Variants in NRF1 observed in about 807,000 individuals in gnomAD.
The protein encoded by NRF1 is nuclear respiratory factor 1.
Under a neutral mutation model 58.5 loss-of-function variants are expected in NRF1, and 5 were observed. The ratio of observed to expected loss-of-function variants is 0.09; its 90% CI spans 0.04 to 0.18. The LOEUF (loss-of-function observed/expected upper bound fraction) is 0.18, where lower values mean the gene tolerates loss of function less well. NRF1 is among the 10% of genes least tolerant of loss of function. The pLI is 1.00. For missense variants in NRF1, 288 were observed against 657.7 expected (o/e 0.44, Z 6.15); for synonymous variants, 224 against 246.7 (o/e 0.91, Z 0.86).
At chr7:129,632,617 G>GTA (rs140079909) in intron 1 of NRF1, among the ~76,000 whole-genome samples, 29 of 150,200 alleles carry the variant, frequency 1.9e-4, no homozygotes, top group East Asian at 1.4e-3. Context: ...AACTTTTTCT[G>GTA]TATATATATA....
intron 1 of NRF1, among the ~76,000 whole-genome samples, chr7:129,644,325 A>G (rs1239886146): frequency 6.6e-6 from 1 of 152,202 alleles, no homozygotes; most frequent in African/African-American, 2.4e-5. Context: ...TTGACTGTGA[A>G]CGTCTGTAGG....
intron 8 of NRF1, among the ~76,000 whole-genome samples, chr7:129,715,997 C>T (rs1402156689): frequency 1.3e-5 from 2 of 150,650 alleles, no homozygotes; most frequent in Non-Finnish European, 3.0e-5. Flanking sequence ...AAGAGCAAAA[C>T]TCCGTCTCCA....
intron 5 of NRF1, among the ~76,000 whole-genome samples, chr7:129,697,963 C>T (rs1164221565): frequency 2.0e-5 from 3 of 152,108 alleles, no homozygotes; most frequent in Non-Finnish European, 4.4e-5. Context: ...AACTGCTGAG[C>T]TCAGGCAATC....
intron 3 of NRF1, among the ~76,000 whole-genome samples, chr7:129,673,151 T>C (rs946772445): frequency 6.6e-6 from 1 of 152,162 alleles, no homozygotes; most frequent in Non-Finnish European, 1.5e-5. Context: ...GACTATTAGA[T>C]TTAGTAACAT....
chr7:129,696,486 G>A (rs758982950), intron 5 of NRF1, among the ~76,000 whole-genome samples: 3 of 152,108 alleles, frequency 2.0e-5, no homozygotes, highest in African/African-American at 7.2e-5. Context: ...TTATTTTATA[G>A]TCAAGGAAGC....
chr7:129,662,708 A>G lies in NRF1; in HGVS notation c.223+5134A>G, dbSNP rs547088233. ...CTTCTGCGAGATGCCCGAGGGCACT[A>G]GCAATCCTGGATCATCTTAATCCAA... On this transcript the variant is annotated intron_variant, in intron 2 of 10. Coordinates refer to ENST00000393232, the MANE Select transcript of NRF1 (RefSeq NM_005011.5). 8.5e-5 allele frequency among the ~76,000 whole-genome samples: 13 copies of G among 152,290 alleles called. No individual in the cohort carries two copies. The South Asian group carries it at 2.7e-3, about 32-fold the overall frequency.
chr7:129,745,408 T>C (rs1193591106), intron 10 of NRF1, among the ~76,000 whole-genome samples: 1 of 152,034 alleles, frequency 6.6e-6, no homozygotes, highest in African/African-American at 2.4e-5. Context: ...CCACCTACTG[T>C]CAGATCATCA....
At chr7:129,747,086 T>C (rs1176997315) in intron 10 of NRF1, among the ~76,000 whole-genome samples, 1 of 152,208 alleles carries the variant, frequency 6.6e-6, no homozygotes, top group Non-Finnish European at 1.5e-5. Context: ...TCAACAGCCC[T>C]GCAGCCCTGT....
chr7:129,692,839 G>C (rs1215936129), intron 5 of NRF1, among the ~76,000 whole-genome samples: 2 of 152,108 alleles, frequency 1.3e-5, no homozygotes, highest in Non-Finnish European at 2.9e-5. Context: ...TGTTCTCCCA[G>C]ATGATTGCAT....
intron 10 of NRF1, among the ~76,000 whole-genome samples, chr7:129,746,335 C>T (rs1180763583): frequency 6.6e-6 from 1 of 152,140 alleles, no homozygotes; most frequent in Non-Finnish European, 1.5e-5. Context: ...CTCTTCATGA[C>T]CTTCCTCTTC....
intron 1 of NRF1, among the ~76,000 whole-genome samples, chr7:129,649,507 C>G (rs1207885431): frequency 6.6e-6 from 1 of 152,216 alleles, no homozygotes; most frequent in Non-Finnish European, 1.5e-5. Context: ...TACACTTAAT[C>G]TCATCCATTA....
chr7:129,632,551 C>T (rs1391447129), intron 1 of NRF1, among the ~76,000 whole-genome samples: 1 of 152,066 alleles, frequency 6.6e-6, no homozygotes, highest in African/African-American at 2.4e-5. Flanking sequence ...CCTCTCCCTT[C>T]CCAGCTGTGA....
At chr7:129,614,139 G>C (rs1800607182) in intron 1 of NRF1, among the ~76,000 whole-genome samples, 1 of 151,936 alleles carries the variant, frequency 6.6e-6, no homozygotes, top group Admixed American at 6.6e-5. Context: ...TTTCTTAGAC[G>C]GAGTCTCACT....
At chr7:129,633,989 G>A (rs1801109070) in intron 1 of NRF1, among the ~76,000 whole-genome samples, 1 of 145,516 alleles carries the variant, frequency 6.9e-6, no homozygotes, top group Non-Finnish European at 1.5e-5. Flanking sequence ...CACTTTGACC[G>A]TGATTTTTTA....
In NRF1 at chr7:129,739,537, CT is replaced by C. The variant is rs1288383017; in HGVS notation, c.1348+12176del. ...TCAGCTCATAAACAGCATGGCTTTG[CT>C]TTTAAAAAAAAAAAAAAAATCTACC... On this transcript the variant is annotated intron_variant, in intron 10 of 10. Transcript: ENST00000393232. Among the ~76,000 whole-genome samples the C allele has an allele frequency of 1.4e-4, 19 of 131,068 alleles. No homozygotes were observed. In the South Asian group the frequency reaches 2.4e-3, roughly 16 times the overall value. The allele number at this position is 131,068 out of a possible 152,430, so 86.0% of individuals were successfully genotyped here.
At chr7:129,649,270 A>G (rs1584606736) in intron 1 of NRF1, among the ~76,000 whole-genome samples, 1 of 152,026 alleles carries the variant, frequency 6.6e-6, no homozygotes, top group Admixed American at 6.6e-5. Flanking sequence ...TATATTCTGG[A>G]TATGTTCAAG....
chr7:129,752,916 G>A (rs944991822), intron 10 of NRF1, among the ~76,000 whole-genome samples: 1 of 152,166 alleles, frequency 6.6e-6, no homozygotes, highest in African/African-American at 2.4e-5. Flanking sequence ...TTTCAGGCCT[G>A]CATTGCAAGT....
intron 10 of NRF1, among the ~76,000 whole-genome samples, chr7:129,753,121 A>C (rs181375363): frequency 1.1e-3 from 107 of 99,172 alleles, no homozygotes; most frequent in Admixed American, 3.9e-3. Context: ...ATTGGAAAAG[A>C]AAATCTTATA....
intron 2 of NRF1, among the ~76,000 whole-genome samples, chr7:129,663,603 C>G (rs555963479): frequency 7.1e-6 from 1 of 140,410 alleles, no homozygotes; most frequent in Non-Finnish European, 1.5e-5. Context: ...ACTTCCTAGA[C>G]GGGGTGGCGG....
Sources: gnomAD v4.1 joint callset for allele counts (sites outside exome capture counted in the v4.1 genomes callset) on GRCh38, gnomAD v4.1.1 for gene constraint, MANE v1.5 for transcripts, NCBI Gene and HGNC (gene_info 2026-07-23, HGNC 2026-07-21) for gene names.